Variants in SOX6 observed in about 807,000 individuals in gnomAD.
SOX6 encodes the protein SRY-box transcription factor 6.
SOX6 carries 11 observed loss-of-function variants against 97.8 expected under a neutral mutation model. That is an observed-to-expected ratio of 0.11 (90% confidence interval 0.07 to 0.19). The LOEUF (loss-of-function observed/expected upper bound fraction) is 0.19. Ranked by LOEUF, SOX6 falls within the 10% of genes least tolerant of loss-of-function variation. The pLI, the probability that SOX6 is intolerant of heterozygous loss-of-function variation, is 1.00. For synonymous variants in SOX6, 360 were observed against 371.4 expected, an observed-to-expected ratio of 0.97 and a Z score of 0.35; for missense variants, 810 against 1,039.5, an observed-to-expected ratio of 0.78 and a Z score of 3.04.
intron 4 of SOX6, among the ~76,000 whole-genome samples, chr11:16,578,697 A>G (rs1053750342): frequency 6.6e-6 from 1 of 152,094 alleles, no homozygotes; most frequent in Non-Finnish European, 1.5e-5. Context: ...AAGCTACAGA[A>G]TTCTATGACT....
At chr11:16,102,415 G>T (rs865806541) in intron 7 of SOX6, among the ~76,000 whole-genome samples, 1 of 151,974 alleles carries the variant, frequency 6.6e-6, no homozygotes, top group Non-Finnish European at 1.5e-5. Flanking sequence ...CATGCTCATG[G>T]TTGGGTAGGA....
intron 1 of SOX6, among the ~76,000 whole-genome samples, chr11:16,438,231 T>C (rs1381270892): frequency 6.6e-6 from 1 of 152,174 alleles, no homozygotes; most frequent in Admixed American, 6.5e-5. Context: ...TTGCTTTGAT[T>C]CAAGTAAAGA....
At chr11:16,205,616 A>T (rs1055745551) in intron 4 of SOX6, among the ~76,000 whole-genome samples, 1 of 152,158 alleles carries the variant, frequency 6.6e-6, no homozygotes, top group Non-Finnish European at 1.5e-5. Context: ...GGCCAGATAA[A>T]TCACGTAAGT....
rs140631471 is a variant in SOX6, at chr11:16,429,785, C to T, written c.-5+46530G>A. On this transcript the variant is annotated intron_variant, in intron 1 of 15. Transcript: ENST00000396356. ...GTACAATGAACCCCTATGACACAAGCTTACGTATGTAACAAACATGTACAC... is the reference window on the plus strand; with the variant it reads ...GTACAATGAACCCCTATGACACAAGTTTACGTATGTAACAAACATGTACAC... Among the ~76,000 whole-genome samples, 13 of 152,092 alleles carry T rather than the reference C, an allele frequency of 8.5e-5. No individual in the cohort carries two copies. In the East Asian group the frequency reaches 2.3e-3, roughly 27 times the overall value.
intron 7 of SOX6, among the ~76,000 whole-genome samples, chr11:16,106,947 C>T (rs1849103045): frequency 6.6e-6 from 1 of 152,110 alleles, no homozygotes; most frequent in East Asian, 1.9e-4. Context: ...CAGTTCTCCA[C>T]AGGAGATATC....
chr11:16,522,469 T>C (rs1861084525), intron 4 of SOX6, among the ~76,000 whole-genome samples: 1 of 151,194 alleles, frequency 6.6e-6, no homozygotes, highest in Non-Finnish European at 1.5e-5. Flanking sequence ...CTAAAAGAGC[T>C]CCTGAAGGAA....
At chr11:16,209,207 T>G (rs1378640957) in intron 4 of SOX6, among the ~76,000 whole-genome samples, 1 of 152,222 alleles carries the variant, frequency 6.6e-6, no homozygotes, top group Non-Finnish European at 1.5e-5. Context: ...AAATTAGTAT[T>G]TTAAATTTTT....
intron 12 of SOX6, among the ~76,000 whole-genome samples, chr11:16,040,682 T>C (rs1185495649): frequency 1.3e-5 from 2 of 152,054 alleles, no homozygotes; most frequent in Admixed American, 6.6e-5. Context: ...TGTGTCTTGT[T>C]TTAGATTTTA....
chr11:16,256,022 C>T (rs1000877740), intron 3 of SOX6, among the ~76,000 whole-genome samples: 3 of 151,862 alleles, frequency 2.0e-5, no homozygotes, highest in African/African-American at 4.8e-5. Flanking sequence ...ACAAGAGAAA[C>T]GACACAATCT....
At chr11:16,234,081 T>C (rs1045282228) in intron 4 of SOX6, among the ~76,000 whole-genome samples, 1 of 151,526 alleles carries the variant, frequency 6.6e-6, no homozygotes, top group Non-Finnish European at 1.5e-5. Flanking sequence ...AAAGTTACTC[T>C]GTCCAGTGAC....
chr11:16,048,479 A>G (rs1383221564), intron 11 of SOX6, among the ~76,000 whole-genome samples: 1 of 152,192 alleles, frequency 6.6e-6, no homozygotes, highest in Non-Finnish European at 1.5e-5. Context: ...CACTTGAGTA[A>G]CATGTGAGAG....
chr11:16,036,137 T>C (rs1363623630), intron 12 of SOX6, among the ~76,000 whole-genome samples: 1 of 149,086 alleles, frequency 6.7e-6, no homozygotes, highest in African/African-American at 2.5e-5. Flanking sequence ...TAGAGTGCAA[T>C]GGCATGACCT....
At chr11:16,234,355 C>T (rs1367661504) in intron 4 of SOX6, among the ~76,000 whole-genome samples, 1 of 152,042 alleles carries the variant, frequency 6.6e-6, no homozygotes, top group Non-Finnish European at 1.5e-5. Flanking sequence ...GCAGCATATC[C>T]TATAAGTTAT....
At chr11:16,472,555 A>G (rs553629280) in intron 1 of SOX6, among the ~76,000 whole-genome samples, 2 of 152,318 alleles carry the variant, frequency 1.3e-5, no homozygotes, top group South Asian at 4.1e-4. Flanking sequence ...TGCTTTACAT[A>G]AGACTTACAT....
chr11:16,493,564 G>A (rs1860544018), intron 4 of SOX6, among the ~76,000 whole-genome samples: 1 of 152,128 alleles, frequency 6.6e-6, no homozygotes, highest in African/African-American at 2.4e-5. Context: ...TAACCTGGGT[G>A]GTAGTTACAC....
intron 9 of SOX6, among the ~76,000 whole-genome samples, chr11:16,085,217 T>C (rs1452455611): frequency 1.3e-5 from 2 of 152,190 alleles, no homozygotes; most frequent in Non-Finnish European, 2.9e-5. Context: ...TTTTTCTTTG[T>C]GAGCTAAGGA....
intron 4 of SOX6, among the ~76,000 whole-genome samples, chr11:16,491,923 C>A (rs1245216380): frequency 6.6e-6 from 1 of 152,068 alleles, no homozygotes; most frequent in Non-Finnish European, 1.5e-5. Context: ...ACTAGGGGTT[C>A]TATGGAAGGC....
At chr11:16,564,737 AT>A (rs1237066846) in intron 4 of SOX6, among the ~76,000 whole-genome samples, 3 of 152,010 alleles carry the variant, frequency 2.0e-5, no homozygotes, top group Non-Finnish European at 4.4e-5. Context: ...TTCAAAAGAA[AT>A]TTTTTTAAAA....
intron 4 of SOX6, among the ~76,000 whole-genome samples, chr11:16,532,098 G>T (rs1393323206): frequency 6.6e-6 from 1 of 151,672 alleles, no homozygotes; most frequent in African/African-American, 2.4e-5. Flanking sequence ...CCTATATGTG[G>T]TATTCTTTTT....
Sources: gnomAD v4.1 joint callset for allele counts (sites outside exome capture counted in the v4.1 genomes callset) on GRCh38, gnomAD v4.1.1 for gene constraint, MANE v1.5 for transcripts, NCBI Gene and HGNC (gene_info 2026-07-23, HGNC 2026-07-21) for gene names.